Variants in SLC9A5 observed in about 807,000 individuals in gnomAD.
SLC9A5 encodes solute carrier family 9 member A5.
In SLC9A5, 52 loss-of-function variants were observed where a neutral mutation model predicts 91.7. That is an observed-to-expected ratio of 0.57 (90% confidence interval 0.45 to 0.71). The LOEUF is 0.71. Among genes scored for constraint, SLC9A5 ranks in the 30% least tolerant of loss-of-function variants. The pLI is 0.00. For missense variants in SLC9A5, 871 were observed against 1,158.9 expected, an observed-to-expected ratio of 0.75 and a Z score of 3.61; for synonymous variants, 419 against 474.5, an observed-to-expected ratio of 0.88 and a Z score of 1.52.
Position 67,249,060 on chromosome 16 carries a change from G to T in SLC9A5, c.46G>T (p.Ala16Ser). The T allele has an allele frequency of 3.3e-6, 5 of 1,509,350 alleles. No homozygotes were observed. The highest frequency in any genetic ancestry group is 3.5e-6 in the Non-Finnish European group (4 of 1,135,550). The allele number at this position is 1,509,350 out of a possible 1,614,324, so 93.5% of individuals were successfully genotyped here. A position where few individuals can be genotyped will look rare whatever the true frequency, so the allele number is the denominator to read the frequency against. ...LSLLALPLAG[A>S]AEEPTQKPES... ...CCTGCTCGCGCTGCCCCTGGCGGGG[G>T]CGGCCGAAGAGCCCACCCAGAAGCC... Residue 16 changes from alanine to serine, a missense_variant, in exon 1 of 16, where the codon GCG becomes TCG. Coordinates refer to ENST00000299798, the MANE Select transcript of SLC9A5 (RefSeq NM_004594.3).
rs1005066465 is a variant in SLC9A5, at chr16:67,258,040, G to A, written c.1497-278G>A. 2.0e-5 allele frequency among the ~76,000 whole-genome samples: 3 copies of A among 152,230 alleles called. No individual in the cohort carries two copies. The highest frequency in any genetic ancestry group is 4.4e-5 in the Non-Finnish European group (3 of 68,044). ...AGGGAGGACTTCCCTGGCCTCCCTG[G>A]CTAGGACGTATCTGTGTCATATTCT... On this transcript the variant is annotated intron_variant, in intron 9 of 15. Coordinates refer to ENST00000299798, the MANE Select transcript of SLC9A5 (RefSeq NM_004594.3). This position sits in a 1 kb window ranked among gnomAD's most constrained non-coding sequence, Gnocchi z 4.5.
intron 15 of SLC9A5, among the ~76,000 whole-genome samples, chr16:67,268,611 T>TCCCATA: frequency 7.5e-6 from 1 of 132,606 alleles, no homozygotes; most frequent in Admixed American, 8.2e-5. Flanking sequence ...ACAATGCCTT[T>TCCCATA]CCCATATCTA....
Position 67,252,462 on chromosome 16 carries a change from A to T in SLC9A5, c.188-80A>T. 1 of 1,321,380 alleles carries T rather than the reference A, an allele frequency of 7.6e-7. No homozygotes were observed. The highest frequency in any genetic ancestry group is 1.0e-6 in the Non-Finnish European group (1 of 966,496). 81.9% of individuals were successfully genotyped at this position (1,321,380 alleles called of 1,614,324 possible). A position where few individuals can be genotyped will look rare whatever the true frequency, so the allele number is the denominator to read the frequency against. ...GAGACTTCATCTCAAAAAAAAAAAAACAAAACTGGGAGTTCATAGGCCTGT... is the reference window on the plus strand; with the variant it reads ...GAGACTTCATCTCAAAAAAAAAAAATCAAAACTGGGAGTTCATAGGCCTGT... On this transcript the variant is annotated intron_variant, in intron 1 of 15. Transcript: ENST00000299798. This position sits in a 1 kb window ranked among gnomAD's most constrained non-coding sequence, Gnocchi z 4.0.
chr16:67,255,197 A>G lies in SLC9A5; in HGVS notation c.654+13A>G. Reference sequence around the variant, plus strand: ...TGCTGTCACCGTGGTGAGCGTGCTCAGCTGACTGCCATTCCCTGACCCCAG... The same window carrying G: ...TGCTGTCACCGTGGTGAGCGTGCTCGGCTGACTGCCATTCCCTGACCCCAG... On this transcript the variant is annotated intron_variant, in intron 3 of 15. Coordinates refer to ENST00000299798, the MANE Select transcript of SLC9A5 (RefSeq NM_004594.3). This position sits in a 1 kb window ranked among gnomAD's most constrained non-coding sequence, Gnocchi z 4.9. 1.2e-6 allele frequency: 2 copies of G among 1,610,268 alleles called. No individual in the cohort carries two copies. The highest frequency in any genetic ancestry group is 1.7e-6 in the Non-Finnish European group (2 of 1,177,346).
intron 12 of SLC9A5, chr16:67,261,355 C>G (rs903840881): frequency 1.3e-5 from 2 of 152,168 alleles, no homozygotes; most frequent in African/African-American, 4.8e-5. Context: ...TTTAAAAAAC[C>G]TTTCTTATTC....
chr16:67,269,698 G>A (rs1369131830), intron 15 of SLC9A5, among the ~76,000 whole-genome samples: 1 of 152,152 alleles, frequency 6.6e-6, no homozygotes, highest in African/African-American at 2.4e-5. Flanking sequence ...TACTCAAACA[G>A]AAGCTTATTG....
In SLC9A5 at chr16:67,255,628, C is replaced by G. The variant is rs112164602; in HGVS notation, c.734-125C>G. On this transcript the variant is annotated intron_variant, in intron 4 of 15. Coordinates refer to ENST00000299798, the MANE Select transcript of SLC9A5 (RefSeq NM_004594.3). This position sits in a 1 kb window ranked among gnomAD's most constrained non-coding sequence, Gnocchi z 4.9. ...GGGAGGGGCTTGCCAGGGATCCTGG[C>G]TCTGGGGTTTTGAGCCCCTGGGAGT... The G allele has an allele frequency of 2.9e-5, 38 of 1,327,048 alleles. 1 individual carries two copies. The African/African-American group carries it at 3.2e-4, about 11-fold the overall frequency. 82.2% of individuals were successfully genotyped at this position (1,327,048 alleles called of 1,614,324 possible).
At position 67,257,339 on chromosome 16, in the gene SLC9A5, C is replaced by A; in HGVS notation, c.1336-6C>A. 1 of 1,612,544 alleles carries A rather than the reference C, an allele frequency of 6.2e-7. No homozygotes were observed. The highest frequency in any genetic ancestry group is 8.5e-7 in the Non-Finnish European group (1 of 1,178,554). ...AGGGCAGGGCTCACCTCCTGCCTGT[C>A]CATAGGGCTTGACCATCAAGCCACT... On this transcript the variant is annotated splice_region_variant and splice_polypyrimidine_tract_variant and intron_variant, in intron 7 of 15. Transcript: ENST00000299798. The surrounding 1 kb of genome is among the most constrained non-coding windows in gnomAD (Gnocchi z 5.1).
chr16:67,271,283 C>T lies in SLC9A5; in HGVS notation c.*73C>T, dbSNP rs780606422. ...CTCCCTGGGTGATGGGTAGAGCCCT[C>T]GAAACTTGACATGGGGCCAGAAGGG... On this transcript the variant is annotated 3_prime_UTR_variant, in exon 16 of 16. Coordinates refer to ENST00000299798, the MANE Select transcript of SLC9A5 (RefSeq NM_004594.3). 8.3e-6 allele frequency: 11 copies of T among 1,327,988 alleles called. No homozygotes were observed. In the South Asian group the frequency reaches 1.1e-4, roughly 14 times the overall value. The allele number at this position is 1,327,988 out of a possible 1,614,324, so 82.3% of individuals were successfully genotyped here.
rs1043999140 is a variant in SLC9A5 at position 67,266,072 on chromosome 16, T to C, written c.2081-16T>C. 92 of 1,610,532 alleles carry C rather than the reference T, an allele frequency of 5.7e-5. No individual in the cohort carries two copies. Among genetic ancestry groups the C allele is most frequent in the Non-Finnish European group, 7.4e-5 (87 of 1,178,596 alleles). On this transcript the variant is annotated splice_polypyrimidine_tract_variant and intron_variant, in intron 14 of 15. Transcript: ENST00000299798. ...GCCAGCCCAGGATGCCTGACTCTGC[T>C]CTTGTCTCTGTCCAGCTGCTGTGAT... is the stretch of plus-strand genomic sequence containing the variant.
rs752882952 is a variant in SLC9A5 at position 67,257,248 on chromosome 16, G to A, written c.1336-97G>A. On this transcript the variant is annotated intron_variant, in intron 7 of 15. Coordinates refer to ENST00000299798, the MANE Select transcript of SLC9A5 (RefSeq NM_004594.3). The surrounding 1 kb of genome is among the most constrained non-coding windows in gnomAD (Gnocchi z 5.1). ...ACTTCCCAGACCTTGAGTGCAGTGG[G>A]GTAGGGGTACTGAAGCTGAAGCCTC... 7.3e-6 allele frequency: 10 copies of A among 1,363,424 alleles called. No individual in the cohort carries two copies. The highest frequency in any genetic ancestry group is 1.0e-5 in the Non-Finnish European group (10 of 960,878). The allele number at this position is 1,363,424 out of a possible 1,614,324, so 84.5% of individuals were successfully genotyped here.
intron 1 of SLC9A5, 132 bp downstream of exon 1, chr16:67,249,333 T>A: frequency 1.5e-6 from 1 of 679,544 alleles, no homozygotes; most frequent in Non-Finnish European, 2.1e-6. Flanking sequence ...ATTCCACAAA[T>A]CCGGGCTCTC....
Position 67,270,261 on chromosome 16 carries a change from T to C in SLC9A5, c.2219-477T>C, listed in dbSNP as rs1416778428. On this transcript the variant is annotated intron_variant, in intron 15 of 15. Coordinates refer to ENST00000299798, the MANE Select transcript of SLC9A5 (RefSeq NM_004594.3). This position sits in a 1 kb window ranked among gnomAD's most constrained non-coding sequence, Gnocchi z 4.3. Reference sequence around the variant, plus strand: ...AGTGCAGTGGCGAGATCTCGGCTCATTGCAACCTCTGCCTCCCGGGTTCAA... The same window carrying C: ...AGTGCAGTGGCGAGATCTCGGCTCACTGCAACCTCTGCCTCCCGGGTTCAA... Among the ~76,000 whole-genome samples the C allele has an allele frequency of 6.6e-6, 1 of 152,094 alleles. No individual in the cohort carries two copies. The highest frequency in any genetic ancestry group is 1.5e-5 in the Non-Finnish European group (1 of 68,006).
rs375911278 is a variant in SLC9A5 at position 67,259,872 on chromosome 16, C to T, written c.1768C>T (p.Arg590Cys). 9.9e-6 allele frequency: 16 copies of T among 1,614,118 alleles called. No homozygotes were observed. Among genetic ancestry groups the T allele is most frequent in the Middle Eastern group, 1.7e-4 (1 of 6,060 alleles). ...GGATCTGCAGGTGATTGACACAGTA[C>T]GCAGCGGCCGGGATCGTGAGGATGC... ...CLDLQVIDTVRSGRDREDAVM... is the reference protein window; with the variant it reads ...CLDLQVIDTVCSGRDREDAVM... Residue 590 changes from arginine to cysteine, a missense_variant, in exon 12 of 16, where the codon CGC (arginine) becomes TGC (cysteine). Arg to Cys is a radical substitution (Grantham distance 180, BLOSUM62 -3). This residue lies in a region of SLC9A5 where 454 missense variants were observed against 718.3 expected (regional missense o/e 0.63). Coordinates refer to ENST00000299798, the MANE Select transcript of SLC9A5 (RefSeq NM_004594.3).
chr16:67,261,927 G>GGTGTGT (rs56311190), intron 12 of SLC9A5: 11,791 of 151,250 alleles, frequency 0.078, 455 homozygotes, highest in Middle Eastern at 0.14. Flanking sequence ...GATTTGGTGA[G>GGTGTGT]GTGTGTGTGT....
chr16:67,255,760 G>T lies in SLC9A5; in HGVS notation c.741G>T (p.Leu247=). ...AACCCACTCCTCCCCCAGCCTCCCTGTTTGTGGTCAGTCTGGGCGGGGCAG... is the reference window on the plus strand; with the variant it reads ...AACCCACTCCTCCCCCAGCCTCCCTTTTTGTGGTCAGTCTGGGCGGGGCAG... ...ATDYLKGVAS[L]FVVSLGGAAV... is the part of the protein sequence containing the mutation. The change falls in exon 5 of 16, where the codon CTG becomes CTT. Residue 247 remains leucine, a synonymous_variant. Coordinates refer to ENST00000299798, the MANE Select transcript of SLC9A5 (RefSeq NM_004594.3). The surrounding 1 kb of genome is among the most constrained non-coding windows in gnomAD (Gnocchi z 4.9). 6.4e-7 allele frequency: 1 copy of T among 1,573,388 alleles called. No homozygotes were observed.
At chr16:67,264,889 TG>T in intron 13 of SLC9A5, 150 bp from the exon 14 acceptor site, 1 of 755,360 alleles carries the variant, frequency 1.3e-6, no homozygotes, top group Non-Finnish European at 2.2e-6. Context: ...CACTCTTGCC[TG>T]GTTGGCCAAG....
At chr16:67,268,710 A>ATATATATATATT (rs1555500934) in intron 15 of SLC9A5, among the ~76,000 whole-genome samples, 3 of 89,756 alleles carry the variant, frequency 3.3e-5, no homozygotes, top group African/African-American at 4.7e-5. Flanking sequence ...ATATATATAT[A>ATATATATATATT]TTTTTACAGT....
In SLC9A5 at chr16:67,256,627, G is replaced by A; in HGVS notation, c.1070G>A (p.Trp357Ter). The change falls in exon 6 of 16, where the codon TGG becomes TAG. Residue 357 changes from tryptophan to a stop codon, truncating the protein, a stop_gained. Coordinates refer to ENST00000299798, the MANE Select transcript of SLC9A5 (RefSeq NM_004594.3). LOFTEE classifies it high-confidence loss of function. The surrounding 1 kb of genome is among the most constrained non-coding windows in gnomAD (Gnocchi z 4.1). ...LGISAVDSSK[W>*]AWDSGLVLGT... is the part of the protein sequence containing the mutation. The stretch of plus-strand genomic sequence containing the variant: ...ATCTCAGCCGTGGACTCTTCTAAGT[G>A]GGCCTGGGATTCTGGGCTGGTGCTG... 1.2e-6 allele frequency: 2 copies of A among 1,614,068 alleles called. No homozygotes were observed. Among genetic ancestry groups the A allele is most frequent in the Non-Finnish European group, 1.7e-6 (2 of 1,180,020 alleles).
Sources: gnomAD v4.1 joint callset for allele counts (sites outside exome capture counted in the v4.1 genomes callset) on GRCh38, gnomAD v4.1.1 for gene constraint, gnomAD v4.1.1 regional missense constraint, Gnocchi (gnomAD v3.1) non-coding constraint, MANE v1.5 for transcripts, NCBI Gene and HGNC (gene_info 2026-07-23, HGNC 2026-07-21) for gene names.